Variants in PARL observed in about 807,000 individuals in gnomAD.
PARL encodes presenilin-associated rhomboid-like protein, mitochondrial.
PARL carries 44 observed loss-of-function variants against 51.6 expected under a neutral mutation model. The observed-to-expected ratio is 0.85, with a 90% CI of 0.67 to 1.10. The LOEUF is 1.10. Among genes scored for constraint, PARL ranks in the 50% least tolerant of loss-of-function variants. The pLI, the probability that PARL is intolerant of heterozygous loss-of-function variation, is 0.00. For synonymous variants in PARL, 172 were observed against 164.0 expected (o/e 1.05, Z -0.37); for missense variants, 441 against 469.5 (o/e 0.94, Z 0.56).
At chr3:183,863,009 T>C (rs1172453451) in intron 3 of PARL, among the ~76,000 whole-genome samples, 4 of 152,202 alleles carry the variant, frequency 2.6e-5, no homozygotes, top group Non-Finnish European at 5.9e-5. Context: ...AACCAACCAC[T>C]GGATAGCTCT....
intron 4 of PARL, chr3:183,846,468 G>C (rs1361035497): frequency 1.1e-6 from 1 of 949,862 alleles, no homozygotes; most frequent in Non-Finnish European, 1.3e-6. Context: ...ACTCCAGCCT[G>C]GGCAACAAGA....
chr3:183,884,278 C>T (rs1310768047), intron 1 of PARL, among the ~76,000 whole-genome samples: 1 of 152,214 alleles, frequency 6.6e-6, no homozygotes, highest in Non-Finnish European at 1.5e-5. Flanking sequence ...TGATACCTTC[C>T]ATCAGACTTC....
chr3:183,865,882 C>CT (rs35207471), intron 3 of PARL, among the ~76,000 whole-genome samples: 7,274 of 141,764 alleles, frequency 0.051, 213 homozygotes, highest in East Asian at 0.08. Flanking sequence ...AATTTCTTTT[C>CT]TTTTTTTTTT....
chr3:183,872,302 T>C (rs1161550420), intron 1 of PARL, among the ~76,000 whole-genome samples: 3 of 152,168 alleles, frequency 2.0e-5, no homozygotes, highest in African/African-American at 7.2e-5. Context: ...ATGCCTGGCC[T>C]AAGAATGCCC....
At chr3:183,828,914 G>A (rs552585439), downstream of PARL, among the ~76,000 whole-genome samples, 2 of 152,254 alleles carry the variant, frequency 1.3e-5, no homozygotes, top group East Asian at 1.9e-4. Flanking sequence ...CTGTGACGAC[G>A]ACAGCCACTA....
At chr3:183,860,258 C>G (rs1272613413) in intron 4 of PARL, among the ~76,000 whole-genome samples, 1 of 152,156 alleles carries the variant, frequency 6.6e-6, no homozygotes, top group Non-Finnish European at 1.5e-5. Context: ...ACAAGACATA[C>G]TAAATAAACA....
At chr3:183,846,728 A>G (rs1729996691) in intron 4 of PARL, 1 of 433,014 alleles carries the variant, frequency 2.3e-6, no homozygotes, top group African/African-American at 2.1e-5. Context: ...GACACATCCC[A>G]TATATGTATA....
At chr3:183,868,311 A>G (rs1732771293) in intron 1 of PARL, among the ~76,000 whole-genome samples, 1 of 152,200 alleles carries the variant, frequency 6.6e-6, no homozygotes, top group South Asian at 2.1e-4. Flanking sequence ...CAGTCAACAA[A>G]ATAATTTGTA....
intron 1 of PARL, among the ~76,000 whole-genome samples, chr3:183,882,269 T>TTA (rs1160451429): frequency 0.02 from 602 of 30,468 alleles, 12 homozygotes; most frequent in Non-Finnish European, 0.032. Flanking sequence ...ATATATATAT[T>TTA]TATATATATA....
chr3:183,839,384 C>T (rs897099032), intron 7 of PARL, among the ~76,000 whole-genome samples: 11 of 152,138 alleles, frequency 7.2e-5, no homozygotes, highest in Admixed American at 2.6e-4. Flanking sequence ...TGCCATTAAA[C>T]TCAAAAGACA....
In PARL at chr3:183,834,355, A is replaced by G. The variant is rs190228272; in HGVS notation, c.829-530T>C. Among the ~76,000 whole-genome samples, 814 of 152,364 alleles carry G rather than the reference A, an allele frequency of 5.3e-3. 8 individuals carry two copies. Among genetic ancestry groups the G allele is most frequent in the African/African-American group, 0.018 (758 of 41,586 alleles). The stretch of plus-strand genomic sequence containing the variant: ...CTTAAGCCCAGGAGGTCAAGGTTAC[A>G]GTGAGCTATGATTGCACCACTGCAC... On this transcript the variant is annotated intron_variant, in intron 7 of 9. Transcript: ENST00000317096.
rs1388807179 is a variant in PARL at position 183,878,837 on chromosome 3, ATGGT to A, written c.125+5881_125+5884del. Among the ~76,000 whole-genome samples the A allele has an allele frequency of 2.0e-5, 3 of 152,318 alleles. No homozygotes were observed. The South Asian group carries it at 6.2e-4, about 32-fold the overall frequency. On this transcript the variant is annotated intron_variant, in intron 1 of 9. Transcript: ENST00000317096. The stretch of plus-strand genomic sequence containing the variant: ...AGTGGATTTGAGTCTCCAACTAAGA[ATGGT>A]TTTCACACGTTTAAAGAGTTGTTTA...
At chr3:183,870,170 C>T (rs1279575868) in intron 1 of PARL, among the ~76,000 whole-genome samples, 3 of 148,220 alleles carry the variant, frequency 2.0e-5, no homozygotes, top group Admixed American at 1.4e-4. Flanking sequence ...CCCAGCTACT[C>T]GGGAGGCTGA....
At chr3:183,882,195 C>A (rs1330799373) in intron 1 of PARL, among the ~76,000 whole-genome samples, 3 of 101,370 alleles carry the variant, frequency 3.0e-5, no homozygotes, top group South Asian at 6.7e-4. Flanking sequence ...CAGAGCAAGA[C>A]AATGTCTCTA....
At chr3:183,837,084 T>C (rs748748317) in intron 7 of PARL, among the ~76,000 whole-genome samples, 2 of 152,196 alleles carry the variant, frequency 1.3e-5, no homozygotes, top group South Asian at 2.1e-4. Flanking sequence ...AAATCTATCA[T>C]ACTTATGTTT....
chr3:183,859,652 T>C (rs972910122), intron 4 of PARL, among the ~76,000 whole-genome samples: 4 of 152,158 alleles, frequency 2.6e-5, no homozygotes, highest in African/African-American at 9.7e-5. Context: ...AAGGGGTTTT[T>C]TACCTCACCA....
At chr3:183,864,921 T>TC (rs35487804) in intron 3 of PARL, among the ~76,000 whole-genome samples, 13 of 137,876 alleles carry the variant, frequency 9.4e-5, no homozygotes, top group Non-Finnish European at 1.3e-4. Context: ...TTTTTTTTTT[T>TC]CCGTATTTCA....
At chr3:183,840,709 CT>C (rs34558001) in intron 6 of PARL, 69 bp from the exon 7 acceptor site, 49,881 of 586,056 alleles carry the variant, frequency 0.085, no homozygotes, top group South Asian at 0.11. Context: ...TTTTTCTTTT[CT>C]TTTTTTTTTT....
intron 1 of PARL, among the ~76,000 whole-genome samples, chr3:183,875,561 T>G (rs142138448): frequency 2.8e-3 from 420 of 152,204 alleles, no homozygotes; most frequent in African/African-American, 9.5e-3. Flanking sequence ...ACTCCTTCAA[T>G]TCTATGAAGG....
Sources: allele counts gnomAD v4.1 joint callset (sites outside exome capture counted in the v4.1 genomes callset), GRCh38; gene constraint gnomAD v4.1.1; transcripts MANE v1.5; gene names NCBI Gene and HGNC (gene_info 2026-07-23, HGNC 2026-07-21).